Variants in STS observed in about 807,000 individuals in gnomAD.
The protein encoded by STS is steroid sulfatase.
A neutral mutation model predicts 26.8 loss-of-function variants in STS; 7 were observed. The observed-to-expected ratio is 0.26, with a 90% CI of 0.15 to 0.49. STS has a LOEUF of 0.49. STS is among the 20% of genes least tolerant of loss of function. The pLI is 0.98. For synonymous variants in STS, 199 were observed against 189.4 expected, an observed-to-expected ratio of 1.05 and a Z score of -0.42; for missense variants, 434 against 465.6, an observed-to-expected ratio of 0.93 and a Z score of 0.63.
intron 9 of STS, among the ~76,000 whole-genome samples, chrX:7,328,188 T>G (rs1927569549): frequency 8.9e-6 from 1 of 111,973 alleles, no homozygotes; most frequent in South Asian, 3.7e-4. Flanking sequence ...CCAATCTCAT[T>G]TATTACGTTT....
intron 1 of STS, among the ~76,000 whole-genome samples, chrX:7,173,180 A>C (rs1933500501): frequency 9.0e-6 from 1 of 111,185 alleles, no homozygotes; most frequent in African/African-American, 3.3e-5. Context: ...ATAAATGAGA[A>C]TATGTGGTGT....
intron 1 of STS, among the ~76,000 whole-genome samples, chrX:7,148,708 C>A (rs890091354): frequency 1.8e-5 from 2 of 112,076 alleles, no homozygotes; most frequent in African/African-American, 3.2e-5. Flanking sequence ...CGACTTGAAC[C>A]GGCAGCCGCG....
chrX:7,195,293 G>A (rs865895461), intron 2 of STS, among the ~76,000 whole-genome samples: 20 of 111,784 alleles, frequency 1.8e-4, no homozygotes, highest in South Asian at 1.5e-3. Flanking sequence ...CAGGGTTCAC[G>A]TGACAACATA....
At chrX:7,204,517 C>G (rs1175290666) in intron 2 of STS, among the ~76,000 whole-genome samples, 4 of 91,768 alleles carry the variant, frequency 4.4e-5, no homozygotes, top group African/African-American at 1.6e-4. Flanking sequence ...CCTTTCCTCC[C>G]TTCCTCCCTC....
chrX:7,335,587 T>C (rs1478852742), intron 10 of STS, among the ~76,000 whole-genome samples: 2 of 112,152 alleles, frequency 1.8e-5, no homozygotes, highest in Admixed American at 9.4e-5. Context: ...TAGTTTCTTT[T>C]GTTGTGCAGA....
At position 7,223,348 on chromosome X, in the gene STS, A is replaced by T. The variant is rs897205101; in HGVS notation, c.-4-29848A>T. 9.8e-5 allele frequency among the ~76,000 whole-genome samples: 11 copies of T among 112,226 alleles called. No homozygotes were observed. In the East Asian group the frequency reaches 3.1e-3, roughly 31 times the overall value. On this transcript the variant is annotated intron_variant, in intron 2 of 10. Coordinates refer to ENST00000674429, the MANE Select transcript of STS (RefSeq NM_001320752.2). ...ACCGTTTTCCATAGAGGTTATATTA[A>T]TTTACATTCCCACCAACAGTGTGTA...
intron 1 of STS, among the ~76,000 whole-genome samples, chrX:7,175,936 T>G (rs1933562852): frequency 9.0e-6 from 1 of 111,300 alleles, no homozygotes; most frequent in African/African-American, 3.3e-5. Context: ...CTTAGGACTT[T>G]AACAATAATA....
At chrX:7,221,864 G>A (rs1921583816) in intron 2 of STS, among the ~76,000 whole-genome samples, 2 of 111,947 alleles carry the variant, frequency 1.8e-5, no homozygotes, top group Admixed American at 1.9e-4. Flanking sequence ...TCTTTTGTTT[G>A]CATTTGCATA....
chrX:7,238,193 GA>G (rs1462048058), intron 2 of STS, among the ~76,000 whole-genome samples: 1 of 73,633 alleles, frequency 1.4e-5, no homozygotes, highest in Non-Finnish European at 3.1e-5. Flanking sequence ...TAGATAGATA[GA>G]TAGATAGATA....
intron 2 of STS, among the ~76,000 whole-genome samples, chrX:7,209,406 G>T (rs905516178): frequency 9.7e-6 from 1 of 102,967 alleles, no homozygotes; most frequent in Non-Finnish European, 2.0e-5. Flanking sequence ...TGTATTTATA[G>T]AAATATATAT....
Position 7,276,164 on chromosome X carries a change from A to G in STS, c.943+77A>G, listed in dbSNP as rs1400209053. 8 of 1,155,080 alleles carry G rather than the reference A, an allele frequency of 6.9e-6. No individual in the cohort carries two copies. In the African/African-American group the frequency reaches 7.2e-5, roughly 10 times the overall value. ...TGTGTTTTCTTTCCTGTGTATTTCT[A>G]TCTTTGTTCCTGATGCCTTTAGAGA... On this transcript the variant is annotated intron_variant, in intron 7 of 10. Coordinates refer to ENST00000674429, the MANE Select transcript of STS (RefSeq NM_001320752.2).
chrX:7,322,369 G>A lies in STS; in HGVS notation c.1082-2970G>A, dbSNP rs1359708010. Among the ~76,000 whole-genome samples the A allele has an allele frequency of 2.7e-5, 3 of 111,704 alleles. No homozygotes were observed. In the East Asian group the frequency reaches 8.4e-4, roughly 31 times the overall value. Reference sequence around the variant, plus strand: ...CGGACAACGGAGGCCTTCAGAGAAAGCCTGGCTGCCTCAATGCAGATTCTC... The same window carrying A: ...CGGACAACGGAGGCCTTCAGAGAAAACCTGGCTGCCTCAATGCAGATTCTC... On this transcript the variant is annotated intron_variant, in intron 8 of 10. Transcript: ENST00000674429.
chrX:7,204,114 T>C (rs1934133798), intron 2 of STS, among the ~76,000 whole-genome samples: 1 of 111,946 alleles, frequency 8.9e-6, no homozygotes, highest in Non-Finnish European at 1.9e-5. Context: ...GTGCTGATGT[T>C]GCCTTTATAT....
chrX:7,238,177 TGTAGATAG>T (rs1189026682), intron 2 of STS, among the ~76,000 whole-genome samples: 4 of 69,019 alleles, frequency 5.8e-5, no homozygotes, highest in African/African-American at 2.2e-4. Context: ...CAATGCGTGG[TGTAGATAG>T]ATAGATAGAT....
At chrX:7,277,552 C>T (rs921927807) in intron 7 of STS, among the ~76,000 whole-genome samples, 23 of 111,846 alleles carry the variant, frequency 2.1e-4, no homozygotes, top group African/African-American at 7.5e-4. Context: ...TTAATTATCT[C>T]TGTGAACTTG....
At chrX:7,292,860 G>T (rs144096493) in intron 7 of STS, among the ~76,000 whole-genome samples, 1 of 111,106 alleles carries the variant, frequency 9.0e-6, no homozygotes, top group African/African-American at 3.3e-5. Flanking sequence ...AACCAGTCTA[G>T]TTAGGACTGA....
intron 8 of STS, among the ~76,000 whole-genome samples, chrX:7,322,483 C>T: frequency 8.9e-6 from 1 of 111,790 alleles, no homozygotes; most frequent in Admixed American, 9.5e-5. Context: ...TCACTGCAAC[C>T]TCCACCTCCC....
intron 2 of STS, among the ~76,000 whole-genome samples, chrX:7,192,007 T>C (rs761822373): frequency 8.9e-6 from 1 of 112,672 alleles, no homozygotes; most frequent in African/African-American, 3.2e-5. Context: ...TGGACATGTC[T>C]GGACCACTAT....
At chrX:7,346,768 A>G (rs947798215) in intron 10 of STS, among the ~76,000 whole-genome samples, 2 of 112,648 alleles carry the variant, frequency 1.8e-5, no homozygotes, top group African/African-American at 6.4e-5. Flanking sequence ...AAATATACCT[A>G]TGAAAAATAT....
Sources: gnomAD v4.1 joint callset for allele counts (sites outside exome capture counted in the v4.1 genomes callset) on GRCh38, gnomAD v4.1.1 for gene constraint, MANE v1.5 for transcripts, NCBI Gene and HGNC (gene_info 2026-07-23, HGNC 2026-07-21) for gene names.